The following POLA1 variants were observed in gnomAD, a reference collection of about 807,000 sequenced individuals.
POLA1 encodes the protein DNA polymerase alpha catalytic subunit.
Under a neutral mutation model 124.0 loss-of-function variants are expected in POLA1, and 15 were observed. The observed-to-expected ratio is 0.12, with a 90% CI of 0.08 to 0.19. The LOEUF (loss-of-function observed/expected upper bound fraction) is 0.19, where lower values mean the gene tolerates loss of function less well. Ranked by LOEUF, POLA1 falls within the 10% of genes least tolerant of loss-of-function variation. POLA1 has a pLI of 1.00. For synonymous variants in POLA1, 408 were observed against 389.4 expected (o/e 1.05, Z -0.56); for missense variants, 886 against 1,103.4 (o/e 0.80, Z 2.79).
chrX:24,704,519 T>G, intron 4 of POLA1, 50 bp downstream of exon 4: 1 of 867,044 alleles, frequency 1.2e-6, no homozygotes, highest in Admixed American at 2.2e-5. Context: ...TAAAGAATTC[T>G]CTAAAATTAG....
intron 36 of POLA1, among the ~76,000 whole-genome samples, chrX:24,955,787 G>A (rs1052088572): frequency 2.7e-5 from 3 of 111,810 alleles, no homozygotes; most frequent in Non-Finnish European, 5.6e-5. Flanking sequence ...TTGATCTTCT[G>A]TTGCAGTCTA....
Position 24,779,088 on chromosome X carries a change from T to C in POLA1, c.2964+30096T>C, listed in dbSNP as rs113017228. Among the ~76,000 whole-genome samples the C allele has an allele frequency of 3.3e-3, 365 of 110,642 alleles. 1 individual carries two copies. Among genetic ancestry groups the C allele is most frequent in the African/African-American group, 0.011 (331 of 30,382 alleles). ...CATTTCTTTCTTTCTTTCTTTCTTT[T>C]TTTTTTTGAGATGGAGTCTCACTCT... On this transcript the variant is annotated intron_variant, in intron 26 of 36. Coordinates refer to ENST00000379068, the MANE Select transcript of POLA1 (RefSeq NM_001330360.2).
intron 24 of POLA1, 28 bp downstream of exon 24, chrX:24,745,570 A>G: frequency 9.4e-7 from 1 of 1,063,087 alleles, no homozygotes; most frequent in Non-Finnish European, 1.3e-6. Flanking sequence ...GACTCTTGAA[A>G]TTGAGTTTAA....
intron 36 of POLA1, among the ~76,000 whole-genome samples, chrX:24,953,341 T>TA (rs966586556): frequency 1.8e-5 from 2 of 112,445 alleles, no homozygotes; most frequent in African/African-American, 6.5e-5. Flanking sequence ...GCATCAGGCA[T>TA]AAACAAGGTA....
chrX:24,973,709 C>T (rs1053063516), intron 36 of POLA1, among the ~76,000 whole-genome samples: 1 of 112,084 alleles, frequency 8.9e-6, no homozygotes, highest in African/African-American at 3.2e-5. Context: ...AATCCCTCCC[C>T]TCCCACCATG....
chrX:24,996,045 T>G lies in POLA1; in HGVS notation c.*95T>G. 1.2e-6 allele frequency: 1 copy of G among 802,992 alleles called. No homozygotes were observed. 66.2% of individuals were successfully genotyped at this position (802,992 alleles called of 1,213,427 possible). On this transcript the variant is annotated 3_prime_UTR_variant, in exon 37 of 37. Coordinates refer to ENST00000379068, the MANE Select transcript of POLA1 (RefSeq NM_001330360.2). Reference sequence around the variant, plus strand: ...CCCTAAATGCTCCTCCAGCATCTGTTTCTCCCTTGGGACTGTGTCTCATGT... The same window carrying G: ...CCCTAAATGCTCCTCCAGCATCTGTGTCTCCCTTGGGACTGTGTCTCATGT...
intron 26 of POLA1, chrX:24,788,929 G>A (rs373001666): frequency 1.9e-5 from 23 of 1,203,056 alleles, no homozygotes; most frequent in East Asian, 3.0e-5. Flanking sequence ...GACACAAGTC[G>A]GCAGGCAGTG....
chrX:24,847,079 T>A (rs1569336635), intron 34 of POLA1, among the ~76,000 whole-genome samples: 1 of 111,892 alleles, frequency 8.9e-6, no homozygotes. Context: ...TGTCAAGTGC[T>A]GCTGGGAAGT....
intron 16 of POLA1, among the ~76,000 whole-genome samples, chrX:24,733,460 G>T (rs928926595): frequency 8.9e-6 from 1 of 112,227 alleles, no homozygotes; most frequent in Non-Finnish European, 1.9e-5. Flanking sequence ...GGCATTGGTG[G>T]TGGTGGGATT....
chrX:24,697,777 C>T (rs185460314), intron 1 of POLA1, among the ~76,000 whole-genome samples: 95 of 110,542 alleles, frequency 8.6e-4, no homozygotes, highest in African/African-American at 3.0e-3. Context: ...TCTTTGCCTG[C>T]TCCTTTTTAT....
intron 32 of POLA1, among the ~76,000 whole-genome samples, chrX:24,834,300 A>C (rs1310921202): frequency 1.8e-5 from 2 of 111,689 alleles, no homozygotes; most frequent in Non-Finnish European, 3.8e-5. Flanking sequence ...CTTCTCCAGG[A>C]AAATAAAAAT....
chrX:24,922,836 A>G (rs1023831518), intron 35 of POLA1, among the ~76,000 whole-genome samples: 2 of 112,148 alleles, frequency 1.8e-5, no homozygotes, highest in Non-Finnish European at 3.8e-5. Flanking sequence ...AGACCATCTT[A>G]AAGTTCCAGT....
At chrX:24,700,756 G>A (rs1370104604) in intron 2 of POLA1, among the ~76,000 whole-genome samples, 2 of 111,743 alleles carry the variant, frequency 1.8e-5, no homozygotes, top group Admixed American at 9.5e-5. Context: ...TGGTCCACCC[G>A]CCTCGGCCTC....
At chrX:24,719,223 G>A (rs1162671174) in intron 10 of POLA1, among the ~76,000 whole-genome samples, 1 of 110,265 alleles carries the variant, frequency 9.1e-6, no homozygotes, top group East Asian at 2.8e-4. Flanking sequence ...GTAAATTGAA[G>A]GCCACATTTA....
chrX:24,757,784 C>T (rs1932688285), intron 26 of POLA1, among the ~76,000 whole-genome samples: 1 of 111,358 alleles, frequency 9.0e-6, no homozygotes, highest in Non-Finnish European at 1.9e-5. Flanking sequence ...AAAGGAAATG[C>T]TCATGGAGCA....
chrX:24,989,938 C>T (rs2048516637), intron 36 of POLA1, among the ~76,000 whole-genome samples: 1 of 111,740 alleles, frequency 8.9e-6, no homozygotes, highest in Non-Finnish European at 1.9e-5. Context: ...TAAAATTTTG[C>T]TAGTTGTTCA....
chrX:24,726,413 A>G (rs1930539719), intron 13 of POLA1, among the ~76,000 whole-genome samples: 1 of 112,097 alleles, frequency 8.9e-6, no homozygotes, highest in Non-Finnish European at 1.9e-5. Flanking sequence ...TAGCATTGCT[A>G]TAGTGCTGCT....
At chrX:24,782,005 C>T (rs1263530400) in intron 26 of POLA1, among the ~76,000 whole-genome samples, 2 of 111,520 alleles carry the variant, frequency 1.8e-5, no homozygotes, top group Admixed American at 1.9e-4. Context: ...CTGTTCTAGG[C>T]ACAGGAGGTT....
chrX:24,697,286 A>G (rs1928077895), intron 1 of POLA1, among the ~76,000 whole-genome samples: 1 of 111,138 alleles, frequency 9.0e-6, no homozygotes, highest in African/African-American at 3.3e-5. Flanking sequence ...CCTATGGAGT[A>G]AGTGCATTTG....
Sources: gnomAD v4.1 joint callset for allele counts (sites outside exome capture counted in the v4.1 genomes callset) on GRCh38, gnomAD v4.1.1 for gene constraint, MANE v1.5 for transcripts, NCBI Gene and HGNC (gene_info 2026-07-23, HGNC 2026-07-21) for gene names.